The following SNX27 variants were observed in gnomAD, a reference collection of about 807,000 sequenced individuals.
The protein encoded by SNX27 is sorting nexin 27.
A neutral mutation model predicts 71.6 loss-of-function variants in SNX27; 22 were observed. The ratio of observed to expected loss-of-function variants is 0.31; its 90% CI spans 0.22 to 0.44. SNX27 has a LOEUF of 0.44. SNX27 is among the 20% of genes least tolerant of loss of function. The pLI is 1.00. For synonymous variants in SNX27, 269 were observed against 277.2 expected, an observed-to-expected ratio of 0.97 and a Z score of 0.29; for missense variants, 531 against 698.6, an observed-to-expected ratio of 0.76 and a Z score of 2.70.
chr1:151,669,438 CAATTAA>C (rs1670359974), intron 7 of SNX27: 1 of 152,288 alleles, frequency 6.6e-6, no homozygotes, highest in South Asian at 2.1e-4. Flanking sequence ...TGTGTACTTA[CAATTAA>C]TTTAGCTCCA....
At chr1:151,614,841 C>G (rs1452743738) in intron 1 of SNX27, among the ~76,000 whole-genome samples, 1 of 152,040 alleles carries the variant, frequency 6.6e-6, no homozygotes, top group Non-Finnish European at 1.5e-5. Context: ...GGAACTAAAC[C>G]AAAAAGAATA....
chr1:151,619,209 C>T (rs533960192), intron 1 of SNX27, among the ~76,000 whole-genome samples: 1 of 152,108 alleles, frequency 6.6e-6, no homozygotes, highest in South Asian at 2.1e-4. Context: ...CGTGTGGTGG[C>T]GCATGCCTAT....
intron 1 of SNX27, among the ~76,000 whole-genome samples, chr1:151,633,578 C>T (rs977994845): frequency 5.3e-5 from 8 of 152,154 alleles, no homozygotes; most frequent in South Asian, 2.1e-4. Flanking sequence ...GGATTACAGG[C>T]GTGACACGTA....
At chr1:151,685,852 G>A (rs758673339) in intron 8 of SNX27, among the ~76,000 whole-genome samples, 9 of 152,170 alleles carry the variant, frequency 5.9e-5, no homozygotes, top group African/African-American at 1.4e-4. Context: ...AATGTTCTAC[G>A]TATCAGCAGG....
intron 7 of SNX27, chr1:151,678,790 T>G (rs1435462933): frequency 6.6e-6 from 1 of 152,152 alleles, no homozygotes; most frequent in Non-Finnish European, 1.5e-5. Flanking sequence ...CTCGGCTCAC[T>G]CCAACCCGTG....
At chr1:151,681,810 T>G (rs1237645055) in intron 7 of SNX27, among the ~76,000 whole-genome samples, 1 of 152,224 alleles carries the variant, frequency 6.6e-6, no homozygotes, top group Non-Finnish European at 1.5e-5. Context: ...TAATCTAGTG[T>G]TAGTCTGCCT....
intron 1 of SNX27, among the ~76,000 whole-genome samples, chr1:151,632,849 TTTTATTTTTATTTTA>T (rs1668303383): frequency 6.6e-6 from 1 of 151,650 alleles, no homozygotes; most frequent in Non-Finnish European, 1.5e-5. Flanking sequence ...ATATAATAAT[TTTTATTTTTATTTTA>T]TTTATTTTTA....
chr1:151,620,148 T>G (rs568315118), intron 1 of SNX27, among the ~76,000 whole-genome samples: 129 of 152,032 alleles, frequency 8.5e-4, no homozygotes, highest in Non-Finnish European at 1.5e-3. Context: ...AGTTGCTGTT[T>G]GTCTGTAGAC....
At chr1:151,654,062 A>C (rs546444313) in intron 2 of SNX27, among the ~76,000 whole-genome samples, 1 of 150,240 alleles carries the variant, frequency 6.7e-6, no homozygotes, top group South Asian at 2.1e-4. Flanking sequence ...TGATCTTTTG[A>C]CCTCGTGATC....
intron 8 of SNX27, among the ~76,000 whole-genome samples, chr1:151,691,199 C>T (rs910523750): frequency 6.6e-6 from 1 of 151,950 alleles, no homozygotes; most frequent in Non-Finnish European, 1.5e-5. Flanking sequence ...AGGAGAATAG[C>T]GTGAACCCAG....
Position 151,696,650 on chromosome 1 carries a change from T to TG in SNX27, c.*2234dup, listed in dbSNP as rs1463774442. 2.6e-5 allele frequency: 3 copies of TG among 117,554 alleles called. No individual in the cohort carries two copies. Among genetic ancestry groups the TG allele is most frequent in the Non-Finnish European group, 3.3e-5 (2 of 61,130 alleles). 7.3% of individuals were successfully genotyped at this position (117,554 alleles called of 1,614,324 possible). On this transcript the variant is annotated 3_prime_UTR_variant, in exon 12 of 12. Transcript: ENST00000458013. ...TCCCCTTCCTTCCTTCCTTTTTTTC[T>TG]GTTTTTTTTTTTTTTTTTTCCCAGA... is the stretch of plus-strand genomic sequence containing the variant.
At chr1:151,613,433 GC>G (rs1360657852) in intron 1 of SNX27, 1 of 152,514 alleles carries the variant, frequency 6.6e-6, no homozygotes, top group Non-Finnish European at 1.5e-5. Flanking sequence ...ACTACTTCAA[GC>G]CCTTTTTGGG....
intron 1 of SNX27, among the ~76,000 whole-genome samples, chr1:151,629,927 G>T (rs761704123): frequency 6.6e-6 from 1 of 151,188 alleles, no homozygotes; most frequent in Admixed American, 6.6e-5. Flanking sequence ...CCTGATCAAC[G>T]TGGTGAAGCC....
intron 1 of SNX27, among the ~76,000 whole-genome samples, chr1:151,616,028 C>T (rs1277701626): frequency 6.6e-6 from 1 of 152,194 alleles, no homozygotes; most frequent in Non-Finnish European, 1.5e-5. Context: ...AACAAGCCCT[C>T]TGGGCTCTAA....
chr1:151,647,396 C>A (rs1286129401), intron 2 of SNX27, among the ~76,000 whole-genome samples: 1 of 148,292 alleles, frequency 6.7e-6, no homozygotes, highest in African/African-American at 2.5e-5. Context: ...GTGATCTGCC[C>A]ACCTTGGCCT....
intron 1 of SNX27, among the ~76,000 whole-genome samples, chr1:151,626,473 CT>C (rs1335068400): frequency 1.3e-5 from 2 of 151,958 alleles, no homozygotes; most frequent in Non-Finnish European, 2.9e-5. Flanking sequence ...GAAGAGAATA[CT>C]GTTTTATCAT....
chr1:151,612,522 G>A lies in SNX27; in HGVS notation c.311+10G>A. On this transcript the variant is annotated intron_variant, in intron 1 of 11. Transcript: ENST00000458013. This position sits in a 1 kb window ranked among gnomAD's most constrained non-coding sequence, Gnocchi z 5.2. ...ACCGCATCCTGGAGGTGTGAGTATC[G>A]GGGCTACCCGCCGCCCCATCCTCCC... 1 of 1,354,354 alleles carries A rather than the reference G, an allele frequency of 7.4e-7. No individual in the cohort carries two copies. Among genetic ancestry groups the A allele is most frequent in the Non-Finnish European group, 9.5e-7 (1 of 1,055,600 alleles). 83.9% of individuals were successfully genotyped at this position (1,354,354 alleles called of 1,614,324 possible). A position where few individuals can be genotyped will look rare whatever the true frequency, so the allele number is the denominator to read the frequency against.
At chr1:151,677,289 T>C (rs1443643511) in intron 7 of SNX27, 2 of 152,226 alleles carry the variant, frequency 1.3e-5, no homozygotes, top group Admixed American at 6.5e-5. Flanking sequence ...AGTTGACTTT[T>C]GTTTCCTCAA....
At chr1:151,637,501 G>A (rs1668523249) in intron 1 of SNX27, among the ~76,000 whole-genome samples, 1 of 152,106 alleles carries the variant, frequency 6.6e-6, no homozygotes, top group Non-Finnish European at 1.5e-5. Flanking sequence ...TTTGATCACA[G>A]GTCTGACTGA....
Sources: gnomAD v4.1 joint callset for allele counts (sites outside exome capture counted in the v4.1 genomes callset) on GRCh38, gnomAD v4.1.1 for gene constraint, Gnocchi (gnomAD v3.1) non-coding constraint, MANE v1.5 for transcripts, NCBI Gene and HGNC (gene_info 2026-07-23, HGNC 2026-07-21) for gene names.